ADAMTS14: variants seen among roughly 807,000 people sequenced by gnomAD.
ADAMTS14 encodes the protein ADAM metallopeptidase with thrombospondin type 1 motif 14.
In ADAMTS14, 100 loss-of-function variants were observed where a neutral mutation model predicts 128.6. The ratio of observed to expected loss-of-function variants is 0.78; its 90% confidence interval spans 0.66 to 0.92. The LOEUF is 0.92. Among genes scored for constraint, ADAMTS14 ranks in the 40% least tolerant of loss-of-function variants. ADAMTS14 has a pLI of 0.00. For missense variants in ADAMTS14, 1,562 were observed against 1,658.6 expected, an observed-to-expected ratio of 0.94 and a Z score of 1.01; for synonymous variants, 665 against 653.8, an observed-to-expected ratio of 1.02 and a Z score of -0.26.
intron 19 of ADAMTS14, among the ~76,000 whole-genome samples, chr10:70,755,193 G>T (rs1210785714): frequency 6.6e-6 from 1 of 151,772 alleles, no homozygotes; most frequent in Non-Finnish European, 1.5e-5. Flanking sequence ...TGTAATCCCA[G>T]CTGCTCTGGA....
At position 70,743,622 on chromosome 10, in the gene ADAMTS14, G is replaced by A. The variant is rs775275238; in HGVS notation, c.1999G>A (p.Asp667Asn). The A allele has an allele frequency of 3.7e-6, 6 of 1,612,514 alleles. No homozygotes were observed. Among genetic ancestry groups the A allele is most frequent in the East Asian group, 2.2e-5 (1 of 44,832 alleles). Residue 667 changes from aspartate to asparagine, a missense_variant, in exon 13 of 22, where the codon GAT (aspartate) becomes AAT (asparagine). Transcript: ENST00000373207. Reference sequence around the variant, plus strand: ...GGTGTTCATGAACCAGGTGGTTCACGATGGGACACGCTGCAGCTACCGGGA... The same window carrying A: ...GGTGTTCATGAACCAGGTGGTTCACAATGGGACACGCTGCAGCTACCGGGA... ...DVVFMNQVVH[D>N]GTRCSYRDPY...
chr10:70,732,324 C>T lies in ADAMTS14; in HGVS notation c.1173C>T (p.Ser391=), dbSNP rs1490631498. The T allele has an allele frequency of 6.2e-7, 1 of 1,614,062 alleles. No homozygotes were observed. The highest frequency in any genetic ancestry group is 8.5e-7 in the Non-Finnish European group (1 of 1,180,036). Residue 391 remains serine (S), a synonymous_variant, in exon 7 of 22, where the codon TCC becomes TCT. Coordinates refer to ENST00000373207, the MANE Select transcript of ADAMTS14 (RefSeq NM_080722.4). The part of the protein sequence containing the change: ...SCALNHEDGF[S]SAFVIAHETG... Reference sequence around the variant, plus strand: ...CCCTCAACCATGAGGATGGCTTCTCCTCAGCCTTCGTGATAGCTCATGAGA... The same window carrying T: ...CCCTCAACCATGAGGATGGCTTCTCTTCAGCCTTCGTGATAGCTCATGAGA...
At chr10:70,709,691 G>A (rs941033970) in intron 4 of ADAMTS14, among the ~76,000 whole-genome samples, 1 of 151,930 alleles carries the variant, frequency 6.6e-6, no homozygotes, top group African/African-American at 2.4e-5. Flanking sequence ...TAGTAGAGAC[G>A]GGATTTCACT....
intron 2 of ADAMTS14, among the ~76,000 whole-genome samples, chr10:70,687,023 A>C (rs1308388242): frequency 1.2e-4 from 7 of 56,906 alleles, no homozygotes; most frequent in Admixed American, 3.7e-4. Context: ...GGCGCCCCTC[A>C]CCTCCCGGAC....
chr10:70,735,120 G>A, intron 8 of ADAMTS14, 49 bp from the exon 9 acceptor site: 1 of 1,588,948 alleles, frequency 6.3e-7, no homozygotes, highest in Non-Finnish European at 8.6e-7. Context: ...GGGAAAGCCT[G>A]GGACTTCCTG....
chr10:70,760,418 C>T lies in ADAMTS14; in HGVS notation c.3237C>T (p.Tyr1079=), dbSNP rs745407725. ...GCCAGATGGAAGTGCTCGATCGCTA[C>T]TGCTCCATTCCCGGCTACCACCGGC... ...VFCQMEVLDR[Y]CSIPGYHRLC... Residue 1079 remains tyrosine (Y), a synonymous_variant, in exon 22 of 22, where the codon TAC becomes TAT. Transcript: ENST00000373207. 3.7e-6 allele frequency: 6 copies of T among 1,611,764 alleles called. No individual in the cohort carries two copies. The South Asian group carries it at 5.5e-5, about 15-fold the overall frequency.
rs569845199 is a variant in ADAMTS14 at position 70,678,219 on chromosome 10, C to T, written c.522+3224C>T. ...GTACAGGACTTTATAGTTTACAAAG[C>T]TCTTTTGCTTCCTTCAATCTTCTGA... is the stretch of plus-strand genomic sequence containing the variant. On this transcript the variant is annotated intron_variant, in intron 2 of 21. Transcript: ENST00000373207. Among the ~76,000 whole-genome samples, 3 of 152,296 alleles carry T rather than the reference C, an allele frequency of 2.0e-5. No homozygotes were observed. The South Asian group carries it at 6.2e-4, about 32-fold the overall frequency.
intron 4 of ADAMTS14, among the ~76,000 whole-genome samples, chr10:70,724,712 G>A (rs1589301469): frequency 6.6e-6 from 1 of 152,226 alleles, no homozygotes; most frequent in Non-Finnish European, 1.5e-5. Flanking sequence ...TGGCAGGGGT[G>A]TGTGCAGATG....
chr10:70,714,176 G>A (rs1840946015), intron 4 of ADAMTS14, among the ~76,000 whole-genome samples: 1 of 152,152 alleles, frequency 6.6e-6, no homozygotes, highest in Non-Finnish European at 1.5e-5. Context: ...CTGGCCAACA[G>A]AATAAGACCC....
At chr10:70,729,884 A>C (rs557683747) in intron 5 of ADAMTS14, among the ~76,000 whole-genome samples, 8 of 152,344 alleles carry the variant, frequency 5.3e-5, no homozygotes, top group African/African-American at 1.4e-4. Flanking sequence ...TTCCCGGCAG[A>C]AACGCATCTC....
intron 19 of ADAMTS14, among the ~76,000 whole-genome samples, chr10:70,755,377 AT>A (rs1468597326): frequency 1.3e-5 from 2 of 151,932 alleles, no homozygotes; most frequent in African/African-American, 4.8e-5. Context: ...CAAACACTCC[AT>A]GAGGGCACTT....
At chr10:70,712,440 T>C (rs1840891920) in intron 4 of ADAMTS14, among the ~76,000 whole-genome samples, 1 of 152,104 alleles carries the variant, frequency 6.6e-6, no homozygotes, top group Non-Finnish European at 1.5e-5. Flanking sequence ...CATAGAGAAA[T>C]AAAAATGAAC....
At chr10:70,716,596 C>T (rs569398505) in intron 4 of ADAMTS14, among the ~76,000 whole-genome samples, 27 of 152,306 alleles carry the variant, frequency 1.8e-4, no homozygotes, top group African/African-American at 2.2e-4. Flanking sequence ...GGATGCTTGA[C>T]GCTCGAATTG....
chr10:70,709,495 G>GTTTTTTTTTTTTTTTT (rs746940189), intron 4 of ADAMTS14, among the ~76,000 whole-genome samples: 2 of 101,840 alleles, frequency 2.0e-5, no homozygotes, highest in Non-Finnish European at 3.5e-5. Context: ...AACATTTCCA[G>GTTTTTTTTTTTTTTTT]TTTTTTTTTT....
chr10:70,743,549 C>A lies in ADAMTS14; in HGVS notation c.1926C>A (p.Asp642Glu), dbSNP rs201043224. 6.2e-7 allele frequency: 1 copy of A among 1,612,198 alleles called. No individual in the cohort carries two copies. Among genetic ancestry groups the A allele is most frequent in the Non-Finnish European group, 8.5e-7 (1 of 1,179,500 alleles). The change falls in exon 13 of 22, where the codon GAC (aspartate) becomes GAA (glutamate). Residue 642 changes from aspartate to glutamate, a missense_variant and splice_region_variant. Physicochemically the swap from Asp to Glu is conservative, Grantham distance 45. Coordinates refer to ENST00000373207, the MANE Select transcript of ADAMTS14 (RefSeq NM_080722.4). ...TCAGCATAGTCCCTCTCCCTACAGA[C>A]GCCCAGAAGTGTGAGCTGATCTGCC... ...HSWVPYEPDD[D>E]AQKCELICQS... is the part of the protein sequence containing the mutation.
intron 4 of ADAMTS14, among the ~76,000 whole-genome samples, chr10:70,716,440 G>A (rs1841046845): frequency 6.6e-6 from 1 of 152,186 alleles, no homozygotes; most frequent in African/African-American, 2.4e-5. Context: ...TGGGCGGTGT[G>A]GGGTTCTGGC....
intron 19 of ADAMTS14, among the ~76,000 whole-genome samples, chr10:70,757,071 A>G (rs1842493193): frequency 6.6e-6 from 1 of 151,900 alleles, no homozygotes; most frequent in African/African-American, 2.4e-5. Flanking sequence ...GGGTCCTGCA[A>G]ATTCCTCTCC....
intron 21 of ADAMTS14, 80 bp from the exon 22 acceptor site, chr10:70,760,280 G>T: frequency 6.7e-7 from 1 of 1,492,546 alleles, no homozygotes; most frequent in Non-Finnish European, 8.9e-7. Flanking sequence ...GGCAGTCAGT[G>T]GGTAAGTGGG....
At position 70,702,293 on chromosome 10, in the gene ADAMTS14, C is replaced by T; in HGVS notation, c.523-19C>T. The T allele has an allele frequency of 6.2e-7, 1 of 1,614,040 alleles. No homozygotes were observed. The highest frequency in any genetic ancestry group is 2.2e-5 in the East Asian group (1 of 44,886). On this transcript the variant is annotated intron_variant, in intron 2 of 21. Coordinates refer to ENST00000373207, the MANE Select transcript of ADAMTS14 (RefSeq NM_080722.4). Reference sequence around the variant, plus strand: ...CCTCTTATTTCTCTCTTTCCCGCTGCTTGCCGTCCCTGGTTCAGGCGGGCC... The same window carrying T: ...CCTCTTATTTCTCTCTTTCCCGCTGTTTGCCGTCCCTGGTTCAGGCGGGCC...
Sources: allele counts gnomAD v4.1 joint callset (sites outside exome capture counted in the v4.1 genomes callset), GRCh38; gene constraint gnomAD v4.1.1; transcripts MANE v1.5; gene names NCBI Gene and HGNC (gene_info 2026-07-23, HGNC 2026-07-21).